Variants in EYS observed in about 807,000 individuals in gnomAD.
EYS encodes EGF-like photoreceptor maintenance factor, also known as protein eyes shut homolog.
Under a neutral mutation model 282.1 loss-of-function variants are expected in EYS, and 250 were observed. The ratio of observed to expected loss-of-function variants is 0.89; its 90% CI spans 0.80 to 0.98. EYS has a LOEUF of 0.98. EYS is among the 50% of genes least tolerant of loss of function. EYS has a pLI of 0.00. For missense variants in EYS, 4,016 were observed against 3,709.0 expected (o/e 1.08, Z -2.15); for synonymous variants, 1,355 against 1,282.9 (o/e 1.06, Z -1.20).
intron 35 of EYS, among the ~76,000 whole-genome samples, chr6:63,972,099 T>A (rs1185892464): frequency 6.6e-6 from 1 of 152,198 alleles, no homozygotes; most frequent in African/African-American, 2.4e-5. Context: ...ATGTTAATAG[T>A]TAATAGGTAT....
intron 11 of EYS, among the ~76,000 whole-genome samples, chr6:65,313,627 T>C (rs1292304924): frequency 2.0e-5 from 3 of 151,784 alleles, no homozygotes; most frequent in Non-Finnish European, 2.9e-5. Flanking sequence ...AATAACAGTC[T>C]ACCTACTAAA....
At chr6:65,436,061 AC>A (rs1416613170) in intron 5 of EYS, among the ~76,000 whole-genome samples, 1 of 152,174 alleles carries the variant, frequency 6.6e-6, no homozygotes, top group Non-Finnish European at 1.5e-5. Flanking sequence ...AATCAATATA[AC>A]ACTAAACAGA....
intron 30 of EYS, among the ~76,000 whole-genome samples, chr6:64,291,212 C>A (rs1768696273): frequency 6.6e-6 from 1 of 151,722 alleles, no homozygotes; most frequent in African/African-American, 2.4e-5. Context: ...ATCAGTGTCA[C>A]CACAGTTTTA....
intron 12 of EYS, among the ~76,000 whole-genome samples, chr6:65,109,945 C>T (rs1319297059): frequency 1.3e-5 from 2 of 152,124 alleles, no homozygotes; most frequent in African/African-American, 4.8e-5. Flanking sequence ...ATGTTATTCC[C>T]TTTTTGTTTA....
At chr6:64,333,569 AC>A (rs559443997) in intron 29 of EYS, among the ~76,000 whole-genome samples, 165 of 152,230 alleles carry the variant, frequency 1.1e-3, no homozygotes, top group Middle Eastern at 3.4e-3. Context: ...GGAACATGCA[AC>A]CCACTCAATC....
chr6:64,485,429 T>C (rs926596232), intron 26 of EYS, among the ~76,000 whole-genome samples: 1 of 151,638 alleles, frequency 6.6e-6, no homozygotes, highest in Non-Finnish European at 1.5e-5. Flanking sequence ...ATAGGCAGTA[T>C]GTGACAGTGG....
intron 12 of EYS, among the ~76,000 whole-genome samples, chr6:65,200,168 G>A (rs1174167717): frequency 6.8e-6 from 1 of 148,098 alleles, no homozygotes; most frequent in African/African-American, 2.6e-5. Flanking sequence ...AAAGTTAAGT[G>A]TCAAAGATAA....
chr6:64,940,519 A>C (rs1769054386), intron 15 of EYS, among the ~76,000 whole-genome samples: 1 of 152,034 alleles, frequency 6.6e-6, no homozygotes, highest in Admixed American at 6.6e-5. Context: ...GTTCATCAAA[A>C]GTTTATTATT....
intron 28 of EYS, among the ~76,000 whole-genome samples, chr6:64,408,477 G>A (rs890038061): frequency 6.6e-6 from 1 of 152,124 alleles, no homozygotes; most frequent in Non-Finnish European, 1.5e-5. Flanking sequence ...AAATCTGAAT[G>A]CTTAAAGGAG....
chr6:65,242,509 T>C (rs1487800395), intron 12 of EYS, among the ~76,000 whole-genome samples: 1 of 152,106 alleles, frequency 6.6e-6, no homozygotes, highest in African/African-American at 2.4e-5. Flanking sequence ...ACATATTTCA[T>C]TTATCCATTC....
intron 28 of EYS, among the ~76,000 whole-genome samples, chr6:64,425,851 A>G (rs1163811282): frequency 6.6e-6 from 1 of 152,066 alleles, no homozygotes; most frequent in Non-Finnish European, 1.5e-5. Context: ...GAGACAGGAA[A>G]GGCCATGGAG....
At chr6:64,913,491 A>G (rs75980898) in intron 15 of EYS, among the ~76,000 whole-genome samples, 22 of 152,248 alleles carry the variant, frequency 1.4e-4, no homozygotes, top group Non-Finnish European at 2.8e-4. Flanking sequence ...TTCCACTTGC[A>G]AGTGAGAAAA....
At chr6:64,821,084 G>A (rs1479102973) in intron 21 of EYS, among the ~76,000 whole-genome samples, 7 of 151,754 alleles carry the variant, frequency 4.6e-5, no homozygotes, top group Admixed American at 4.0e-4. Context: ...ACAATTCTCA[G>A]TCGACCAACA....
intron 5 of EYS, among the ~76,000 whole-genome samples, chr6:65,425,051 C>A (rs1289156710): frequency 1.3e-5 from 2 of 151,972 alleles, no homozygotes; most frequent in Non-Finnish European, 2.9e-5. Context: ...CAATTCAGTA[C>A]CAAAGCGCTC....
At chr6:64,546,836 C>A (rs1764889460) in intron 26 of EYS, among the ~76,000 whole-genome samples, 1 of 152,104 alleles carries the variant, frequency 6.6e-6, no homozygotes. Context: ...CCATCTCACA[C>A]CAGTTAGAAT....
intron 18 of EYS, among the ~76,000 whole-genome samples, chr6:64,901,294 G>A (rs1583276733): frequency 1.6e-5 from 2 of 127,750 alleles, no homozygotes; most frequent in East Asian, 2.2e-4. Flanking sequence ...ATGTAGTTGA[G>A]TATATATATA....
intron 13 of EYS, among the ~76,000 whole-genome samples, chr6:65,016,859 T>G (rs1772072686): frequency 6.6e-6 from 1 of 152,188 alleles, no homozygotes; most frequent in African/African-American, 2.4e-5. Flanking sequence ...AAGACAGTCC[T>G]TTTTACTAAA....
rs573727151 is a variant in EYS at position 64,190,579 on chromosome 6, C to G, written c.6424+40013G>C. ...CCAATTTAAAATTTCTGAGGTAAAACCTAGCTCTTCTCACTTCATAAATGG... is the reference window on the plus strand; with the variant it reads ...CCAATTTAAAATTTCTGAGGTAAAAGCTAGCTCTTCTCACTTCATAAATGG... On this transcript the variant is annotated intron_variant, in intron 31 of 42. Transcript: ENST00000503581. Among the ~76,000 whole-genome samples the G allele has an allele frequency of 2.6e-5, 4 of 152,264 alleles. No homozygotes were observed. The East Asian group carries it at 5.8e-4, about 22-fold the overall frequency.
intron 24 of EYS, among the ~76,000 whole-genome samples, chr6:64,606,479 T>G (rs1766941768): frequency 6.6e-6 from 1 of 152,116 alleles, no homozygotes; most frequent in African/African-American, 2.4e-5. Flanking sequence ...CATTTCTCCC[T>G]TGGAGTATTA....
Sources: allele counts gnomAD v4.1 joint callset (sites outside exome capture counted in the v4.1 genomes callset), GRCh38; gene constraint gnomAD v4.1.1; transcripts MANE v1.5; gene names NCBI Gene and HGNC (gene_info 2026-07-23, HGNC 2026-07-21).